The following DIP2C variants were observed in gnomAD, a reference collection of about 807,000 sequenced individuals.
The protein encoded by DIP2C is DIP2 acetate--CoA ligase C (putative).
A neutral mutation model predicts 192.4 loss-of-function variants in DIP2C; 33 were observed. The observed-to-expected ratio is 0.17, with a 90% CI of 0.13 to 0.23. The LOEUF (loss-of-function observed/expected upper bound fraction) is 0.23, where lower values mean the gene tolerates loss of function less well. Ranked by LOEUF, DIP2C falls within the 10% of genes least tolerant of loss-of-function variation. The probability of loss-of-function intolerance (pLI) is 1.00; values close to 1 mark genes in which losing one functional copy is unlikely to be tolerated. For synonymous variants in DIP2C, 979 were observed against 864.1 expected (o/e 1.13, Z -2.33); for missense variants, 1,537 against 2,110.1 (o/e 0.73, Z 5.32).
intron 19 of DIP2C, among the ~76,000 whole-genome samples, chr10:365,313 G>A (rs1960057485): frequency 6.6e-6 from 1 of 152,188 alleles, no homozygotes; most frequent in Non-Finnish European, 1.5e-5. Context: ...TGGGAGGATT[G>A]CTTGAGGCCA....
intron 17 of DIP2C, among the ~76,000 whole-genome samples, chr10:376,927 A>C (rs1430081405): frequency 1.3e-5 from 2 of 152,220 alleles, no homozygotes; most frequent in African/African-American, 4.8e-5. Flanking sequence ...GACTTTCAAA[A>C]ACACAACAGA....
chr10:289,270 TG>T (rs1167810545), intron 32 of DIP2C, among the ~76,000 whole-genome samples: 3 of 17,508 alleles, frequency 1.7e-4, no homozygotes, highest in Non-Finnish European at 3.6e-4. Context: ...CCCCCAGTGA[TG>T]TTTTTTTTTT....
At chr10:686,079 C>T (rs1831325008) in intron 1 of DIP2C, among the ~76,000 whole-genome samples, 1 of 152,108 alleles carries the variant, frequency 6.6e-6, no homozygotes, top group African/African-American at 2.4e-5. Context: ...TTTTTAGGCC[C>T]TTTAAAGCCA....
intron 1 of DIP2C, among the ~76,000 whole-genome samples, chr10:568,303 G>T (rs1849564450): frequency 6.6e-6 from 1 of 152,188 alleles, no homozygotes; most frequent in Non-Finnish European, 1.5e-5. Flanking sequence ...TTGCAAATGA[G>T]GAGTGAAGAT....
In DIP2C at chr10:525,616, G is replaced by C. The variant is rs554782445; in HGVS notation, c.86-39086C>G. On this transcript the variant is annotated intron_variant, in intron 1 of 36. Coordinates refer to ENST00000280886, the MANE Select transcript of DIP2C (RefSeq NM_014974.3). ...TTCAGAATTTTCCTCATCTGCAAGT[G>C]AAAATGAACCTCCTGCTTGCCCACT... Among the ~76,000 whole-genome samples the C allele has an allele frequency of 2.0e-5, 3 of 152,314 alleles. No individual in the cohort carries two copies. The East Asian group carries it at 5.8e-4, about 29-fold the overall frequency.
chr10:283,828 A>G (rs1009660263), intron 34 of DIP2C, among the ~76,000 whole-genome samples: 1 of 152,220 alleles, frequency 6.6e-6, no homozygotes, highest in African/African-American at 2.4e-5. Flanking sequence ...AAAAGCTTTG[A>G]GATTTCTTTT....
intron 1 of DIP2C, among the ~76,000 whole-genome samples, chr10:496,578 C>T (rs1844853514): frequency 6.6e-6 from 1 of 150,636 alleles, no homozygotes; most frequent in Admixed American, 6.6e-5. Context: ...CACATGGTGC[C>T]CTCCTGTGTA....
rs927990012 is a variant in DIP2C at position 666,156 on chromosome 10, T to C, written c.85+23338A>G. 21 of 152,148 alleles carry C rather than the reference T, an allele frequency of 1.4e-4. No homozygotes were observed. The highest frequency in any genetic ancestry group is 4.6e-4 in the African/African-American group (19 of 41,414). 9.4% of individuals were successfully genotyped at this position (152,148 alleles called of 1,614,324 possible). A position where few individuals can be genotyped will look rare whatever the true frequency, so the allele number is the denominator to read the frequency against. Reference sequence around the variant, plus strand: ...TGGAATAATACGAGTCCGGGTGACATATGTAATTGTGAGTTTTTGTTTTCT... The same window carrying C: ...TGGAATAATACGAGTCCGGGTGACACATGTAATTGTGAGTTTTTGTTTTCT... On this transcript the variant is annotated intron_variant, in intron 1 of 36. Coordinates refer to ENST00000280886, the MANE Select transcript of DIP2C (RefSeq NM_014974.3). This position sits in a 1 kb window ranked among gnomAD's most constrained non-coding sequence, Gnocchi z 4.1.
rs370004914 is a variant in DIP2C, at chr10:299,556, G to C, written c.3986+10475C>G. 3.9e-5 allele frequency among the ~76,000 whole-genome samples: 6 copies of C among 152,200 alleles called. No individual in the cohort carries two copies. In the East Asian group the frequency reaches 9.6e-4, roughly 24 times the overall value. ...AGAGATAAAACTGTAGACTGTTAAA[G>C]GAACAGTCATGTGTTGGATATGTCA... On this transcript the variant is annotated intron_variant, in intron 32 of 36. Coordinates refer to ENST00000280886, the MANE Select transcript of DIP2C (RefSeq NM_014974.3).
chr10:430,263 C>G (rs924769769), intron 4 of DIP2C: 1 of 152,128 alleles, frequency 6.6e-6, no homozygotes, highest in Non-Finnish European at 1.5e-5. Flanking sequence ...AAAATGTTGC[C>G]GAGTCTGGAG....
intron 2 of DIP2C, among the ~76,000 whole-genome samples, chr10:485,322 A>C (rs1843934573): frequency 6.6e-6 from 1 of 152,122 alleles, no homozygotes; most frequent in South Asian, 2.1e-4. Context: ...GCGAGAAGAG[A>C]ATGAGGGAGG....
At chr10:507,101 T>G (rs1290278201) in intron 1 of DIP2C, among the ~76,000 whole-genome samples, 1 of 147,384 alleles carries the variant, frequency 6.8e-6, no homozygotes, top group African/African-American at 2.5e-5. Context: ...CTGTGCACGA[T>G]GAGAGGTATG....
chr10:615,592 CCAG>C (rs1269430643), intron 1 of DIP2C, among the ~76,000 whole-genome samples: 1 of 151,920 alleles, frequency 6.6e-6, no homozygotes. Context: ...ACTTCGGATG[CCAG>C]AAGAGATGTA....
chr10:311,674 G>T, intron 31 of DIP2C: 2 of 943,984 alleles, frequency 2.1e-6, no homozygotes, highest in Non-Finnish European at 2.8e-6. Flanking sequence ...TGAAAAATGG[G>T]ATGGAGAAGA....
chr10:576,249 G>A (rs912580221), intron 1 of DIP2C, among the ~76,000 whole-genome samples: 12 of 152,314 alleles, frequency 7.9e-5, no homozygotes, highest in South Asian at 6.2e-4. Flanking sequence ...GGGAGCTGTC[G>A]CCCAGTTATC....
Position 300,061 on chromosome 10 carries a change from G to A in DIP2C, c.3986+9970C>T, listed in dbSNP as rs112172567. Among the ~76,000 whole-genome samples, 373 of 152,288 alleles carry A rather than the reference G, an allele frequency of 2.4e-3. 2 individuals are homozygous for A. The highest frequency in any genetic ancestry group is 8.5e-3 in the African/African-American group (355 of 41,572). On this transcript the variant is annotated intron_variant, in intron 32 of 36. Coordinates refer to ENST00000280886, the MANE Select transcript of DIP2C (RefSeq NM_014974.3). ...AACCAGACCCACGTGCACTGCTGGCGGGAAGGTAAAACAATGCAGCGGCTG... is the reference window on the plus strand; with the variant it reads ...AACCAGACCCACGTGCACTGCTGGCAGGAAGGTAAAACAATGCAGCGGCTG...
chr10:292,465 CAGAGAT>C (rs1955538504), intron 32 of DIP2C, among the ~76,000 whole-genome samples: 1 of 152,228 alleles, frequency 6.6e-6, no homozygotes, highest in African/African-American at 2.4e-5. Flanking sequence ...GCTAGAAAAG[CAGAGAT>C]AGAGAGTTGA....
At chr10:685,400 C>T (rs1365990889) in intron 1 of DIP2C, among the ~76,000 whole-genome samples, 1 of 151,870 alleles carries the variant, frequency 6.6e-6, no homozygotes, top group Admixed American at 6.6e-5. Context: ...AGTCAGTGGG[C>T]ATGGAACACG....
At chr10:344,715 A>T in intron 28 of DIP2C, 94 bp downstream of exon 28, 1 of 1,017,406 alleles carries the variant, frequency 9.8e-7, no homozygotes, top group Non-Finnish European at 1.5e-6. Context: ...CAGTCTGACT[A>T]CACGAGAGGC....
Sources: allele counts gnomAD v4.1 joint callset (sites outside exome capture counted in the v4.1 genomes callset), GRCh38; gene constraint gnomAD v4.1.1; non-coding constraint Gnocchi (gnomAD v3.1); transcripts MANE v1.5; gene names NCBI Gene and HGNC (gene_info 2026-07-23, HGNC 2026-07-21).